The following NRXN3 variants were observed in gnomAD, a reference collection of about 807,000 sequenced individuals.
NRXN3 encodes the protein neurexin 3.
A neutral mutation model predicts 137.6 loss-of-function variants in NRXN3; 32 were observed. The observed-to-expected ratio is 0.23, with a 90% CI of 0.18 to 0.31. The LOEUF is 0.31. Among genes scored for constraint, NRXN3 ranks in the 10% least tolerant of loss-of-function variants. The probability of loss-of-function intolerance (pLI) is 1.00; values close to 1 mark genes in which losing one functional copy is unlikely to be tolerated. For synonymous variants in NRXN3, 798 were observed against 784.5 expected, an observed-to-expected ratio of 1.02 and a Z score of -0.29; for missense variants, 1,574 against 2,062.5, an observed-to-expected ratio of 0.76 and a Z score of 4.59.
intron 19 of NRXN3, among the ~76,000 whole-genome samples, chr14:79,766,854 G>A (rs2099057730): frequency 6.6e-6 from 1 of 152,132 alleles, no homozygotes; most frequent in South Asian, 2.1e-4. Flanking sequence ...AGAATATAGT[G>A]GTGAACCTAC....
intron 4 of NRXN3, among the ~76,000 whole-genome samples, chr14:78,354,485 C>A (rs933915650): frequency 3.3e-5 from 5 of 152,200 alleles, no homozygotes; most frequent in African/African-American, 1.2e-4. Context: ...AGATGAGATG[C>A]CAAAGTCTCA....
intron 11 of NRXN3, among the ~76,000 whole-genome samples, chr14:78,958,610 C>T (rs2099401828): frequency 6.6e-6 from 1 of 152,194 alleles, no homozygotes; most frequent in Non-Finnish European, 1.5e-5. Context: ...CCGCCTCGGC[C>T]TCCCAAAGTG....
rs541430304 is a variant in NRXN3, at chr14:79,416,597, T to A, written c.3263-50624T>A. 2.0e-5 allele frequency among the ~76,000 whole-genome samples: 3 copies of A among 152,236 alleles called. No homozygotes were observed. The South Asian group carries it at 6.2e-4, about 32-fold the overall frequency. On this transcript the variant is annotated intron_variant, in intron 15 of 20. Coordinates refer to ENST00000335750, the MANE Select transcript of NRXN3 (RefSeq NM_001330195.2). Reference sequence around the variant, plus strand: ...TTTAGGTTCTTTAGAATTTGGCACATTTTACTGCTGTATGCCTTGTGATTT... The same window carrying A: ...TTTAGGTTCTTTAGAATTTGGCACAATTTACTGCTGTATGCCTTGTGATTT...
chr14:79,466,580 T>A (rs928134522), intron 15 of NRXN3, among the ~76,000 whole-genome samples: 1 of 151,712 alleles, frequency 6.6e-6, no homozygotes, highest in Non-Finnish European at 1.5e-5. Context: ...AGAGAGAGAC[T>A]CCATCTCAGA....
chr14:79,687,781 C>T (rs970958214), intron 17 of NRXN3, among the ~76,000 whole-genome samples: 6 of 152,196 alleles, frequency 3.9e-5, no homozygotes, highest in African/African-American at 1.4e-4. Context: ...GCCACTCTTT[C>T]TCAGCTTAGC....
At chr14:78,857,140 A>G (rs892553140) in intron 10 of NRXN3, among the ~76,000 whole-genome samples, 3 of 152,130 alleles carry the variant, frequency 2.0e-5, no homozygotes, top group African/African-American at 7.2e-5. Flanking sequence ...ACTCCTATAC[A>G]GATTAAGATG....
chr14:78,943,804 T>A (rs2152923313), intron 10 of NRXN3, among the ~76,000 whole-genome samples: 1 of 151,114 alleles, frequency 6.6e-6, no homozygotes, highest in East Asian at 2.0e-4. Context: ...AGGAAGGGAT[T>A]TCATTTATTT....
At chr14:79,672,547 T>TA (rs752260765) in intron 17 of NRXN3, among the ~76,000 whole-genome samples, 31 of 152,056 alleles carry the variant, frequency 2.0e-4, no homozygotes, top group Non-Finnish European at 4.1e-4. Flanking sequence ...GCATCAGTAA[T>TA]AACATACATT....
intron 10 of NRXN3, among the ~76,000 whole-genome samples, chr14:78,935,556 ACACAG>A (rs2099334840): frequency 6.6e-6 from 1 of 152,204 alleles, no homozygotes; most frequent in Admixed American, 6.5e-5. Flanking sequence ...AATGCTATGT[ACACAG>A]TTGTTACTGT....
At chr14:79,311,536 A>G (rs1466483666) in intron 15 of NRXN3, among the ~76,000 whole-genome samples, 2 of 99,218 alleles carry the variant, frequency 2.0e-5, no homozygotes, top group Non-Finnish European at 4.0e-5. Context: ...TACCTCTGGT[A>G]GAATTCGGCT....
intron 4 of NRXN3, among the ~76,000 whole-genome samples, chr14:78,387,872 T>C (rs1416160169): frequency 2.6e-5 from 4 of 152,200 alleles, no homozygotes; most frequent in South Asian, 2.1e-4. Context: ...CACATAGGCA[T>C]GTCATGGATG....
intron 15 of NRXN3, among the ~76,000 whole-genome samples, chr14:79,366,434 G>A (rs147184334): frequency 1.2e-4 from 18 of 152,102 alleles, no homozygotes; most frequent in African/African-American, 4.1e-4. Flanking sequence ...TTTTGCACCC[G>A]CTAACTGTCT....
chr14:79,456,545 A>G (rs151236586), intron 15 of NRXN3, among the ~76,000 whole-genome samples: 152 of 152,192 alleles, frequency 1.0e-3, no homozygotes, highest in African/African-American at 3.6e-3. Flanking sequence ...TGGACAACAT[A>G]GTGAAACCCT....
Position 79,489,052 on chromosome 14 carries a change from G to A in NRXN3, c.3444+21650G>A, listed in dbSNP as rs2096685569. On this transcript the variant is annotated intron_variant, in intron 16 of 20. Transcript: ENST00000335750. ...AATTAAATATGATCACATATGCAGT[G>A]TGCATAACATCATGTTTGGCACATA... Among the ~76,000 whole-genome samples, 2 of 152,096 alleles carry A rather than the reference G, an allele frequency of 1.3e-5. 1 individual carries two copies. The highest frequency in any genetic ancestry group is 4.1e-4 in the South Asian group (2 of 4,822).
chr14:79,256,946 A>C (rs535473149), intron 15 of NRXN3, among the ~76,000 whole-genome samples: 3 of 152,240 alleles, frequency 2.0e-5, no homozygotes, highest in Admixed American at 2.0e-4. Context: ...AGGCTGCCTG[A>C]CTGATTATAG....
chr14:79,730,801 C>CA (rs2098919318), intron 19 of NRXN3, among the ~76,000 whole-genome samples: 1 of 152,140 alleles, frequency 6.6e-6, no homozygotes, highest in African/African-American at 2.4e-5. Flanking sequence ...GTAAGTTTTT[C>CA]AGCACAGTGA....
At position 79,844,464 on chromosome 14, in the gene NRXN3, G is replaced by A. The variant is rs117652727; in HGVS notation, c.4094-16878G>A. ...CGTGTTTCTTAAGTAAGATGTTAAA[G>A]TCAAAATTGCTTTTTGATCCATGCA... On this transcript the variant is annotated intron_variant, in intron 20 of 20. Transcript: ENST00000335750. Among the ~76,000 whole-genome samples the A allele has an allele frequency of 7.6e-4, 115 of 151,968 alleles. No individual in the cohort carries two copies. The East Asian group carries it at 0.021, about 28-fold the overall frequency.
chr14:78,543,379 T>C (rs1025331336), intron 4 of NRXN3, among the ~76,000 whole-genome samples: 2 of 151,072 alleles, frequency 1.3e-5, no homozygotes, highest in African/African-American at 4.9e-5. Flanking sequence ...CCTCAACATA[T>C]TGAAAACTGC....
At chr14:79,776,529 T>A (rs2099097633) in intron 19 of NRXN3, among the ~76,000 whole-genome samples, 1 of 152,198 alleles carries the variant, frequency 6.6e-6, no homozygotes, top group South Asian at 2.1e-4. Flanking sequence ...TATCTCATCC[T>A]TTACCTCCTG....
Sources: allele counts gnomAD v4.1 joint callset (sites outside exome capture counted in the v4.1 genomes callset), GRCh38; gene constraint gnomAD v4.1.1; transcripts MANE v1.5; gene names NCBI Gene and HGNC (gene_info 2026-07-23, HGNC 2026-07-21).